Variants in MMS22L observed in about 807,000 individuals in gnomAD.
MMS22L encodes the protein protein MMS22-like.
MMS22L carries 74 observed loss-of-function variants against 159.1 expected under a neutral mutation model. That is an observed-to-expected ratio of 0.47 (90% CI 0.39 to 0.56). The LOEUF (loss-of-function observed/expected upper bound fraction) is 0.56. MMS22L is among the 20% of genes least tolerant of loss of function. The probability of loss-of-function intolerance (pLI) is 0.00; values close to 1 mark genes in which losing one functional copy is unlikely to be tolerated. For missense variants in MMS22L, 1,351 were observed against 1,422.1 expected (o/e 0.95, Z 0.80); for synonymous variants, 517 against 506.9 (o/e 1.02, Z -0.27).
At chr6:97,230,000 G>C (rs1810685077) in intron 13 of MMS22L, among the ~76,000 whole-genome samples, 1 of 152,162 alleles carries the variant, frequency 6.6e-6, no homozygotes, top group South Asian at 2.1e-4. Flanking sequence ...AGATAATATA[G>C]TTAATAGTTG....
chr6:97,177,916 A>T (rs1188677605), intron 18 of MMS22L, among the ~76,000 whole-genome samples: 1 of 152,180 alleles, frequency 6.6e-6, no homozygotes, highest in Admixed American at 6.5e-5. Context: ...CACATAGATA[A>T]ATTTCTGTAC....
intron 22 of MMS22L, among the ~76,000 whole-genome samples, chr6:97,152,864 G>A (rs1166457171): frequency 7.0e-6 from 1 of 142,294 alleles, no homozygotes; most frequent in African/African-American, 2.6e-5. Context: ...AAGAGGCAGA[G>A]TCTTGCTCTG....
intron 4 of MMS22L, 86 bp downstream of exon 4, chr6:97,278,763 A>G: frequency 9.6e-7 from 1 of 1,042,246 alleles, no homozygotes; most frequent in South Asian, 1.6e-5. Flanking sequence ...TTATCATGAT[A>G]TGCCAATTAT....
chr6:97,211,195 A>G (rs1032310619), intron 14 of MMS22L, among the ~76,000 whole-genome samples: 3 of 152,032 alleles, frequency 2.0e-5, no homozygotes, highest in African/African-American at 4.8e-5. Flanking sequence ...GTGTGTGTAT[A>G]TAATTTTTTA....
chr6:97,174,121 C>T (rs1339272437), intron 18 of MMS22L, among the ~76,000 whole-genome samples: 5 of 151,678 alleles, frequency 3.3e-5, no homozygotes, highest in African/African-American at 7.3e-5. Flanking sequence ...GGTGTGGTGG[C>T]GTGTGCCTGT....
At chr6:97,283,065 G>C (rs1816918684) in intron 1 of MMS22L, 31 bp downstream of exon 1, 1 of 152,314 alleles carries the variant, frequency 6.6e-6, no homozygotes, top group Non-Finnish European at 1.5e-5. Context: ...CAAGGACCCG[G>C]GGCGTCGGTT....
At chr6:97,240,825 C>A (rs1811978404) in intron 11 of MMS22L, among the ~76,000 whole-genome samples, 3 of 151,908 alleles carry the variant, frequency 2.0e-5, no homozygotes. Flanking sequence ...CAGAGTTTCA[C>A]CATGTTGGCC....
intron 20 of MMS22L, among the ~76,000 whole-genome samples, chr6:97,166,678 C>T (rs1042264185): frequency 6.6e-6 from 1 of 152,078 alleles, no homozygotes; most frequent in African/African-American, 2.4e-5. Flanking sequence ...AGCTCCAGTT[C>T]TACCAAACAG....
chr6:97,279,575 A>G (rs1199289539), intron 3 of MMS22L, among the ~76,000 whole-genome samples: 2 of 152,224 alleles, frequency 1.3e-5, no homozygotes, highest in South Asian at 4.1e-4. Context: ...ACCTGAGGTC[A>G]GGAATTCAAG....
At chr6:97,282,653 G>A (rs1008767347) in intron 1 of MMS22L, 100 bp from the exon 2 acceptor site, 1 of 504,154 alleles carries the variant, frequency 2.0e-6, no homozygotes, top group African/African-American at 2.1e-5. Flanking sequence ...AACAAACCCA[G>A]AGGCCAAATT....
At chr6:97,219,374 T>A (rs1203152850) in intron 14 of MMS22L, among the ~76,000 whole-genome samples, 1 of 152,206 alleles carries the variant, frequency 6.6e-6, no homozygotes. Context: ...AGGTGCAGCA[T>A]CAAAGTCAGT....
chr6:97,159,121 G>A (rs1802158007), intron 22 of MMS22L, among the ~76,000 whole-genome samples: 1 of 133,440 alleles, frequency 7.5e-6, no homozygotes, highest in South Asian at 2.6e-4. Flanking sequence ...GACTAGGACT[G>A]CAACCCCTGA....
At chr6:97,245,190 C>G in intron 11 of MMS22L, among the ~76,000 whole-genome samples, 2 of 152,116 alleles carry the variant, frequency 1.3e-5, no homozygotes, top group South Asian at 4.2e-4. Context: ...TTAAAACCAG[C>G]TGAGTGCAAA....
chr6:97,278,434 T>C (rs1311459247), intron 4 of MMS22L, among the ~76,000 whole-genome samples: 1 of 143,306 alleles, frequency 7.0e-6, no homozygotes, highest in East Asian at 2.1e-4. Flanking sequence ...AAACCAACTA[T>C]ACCAATCTAA....
At chr6:97,179,888 A>T (rs932340977) in intron 16 of MMS22L, among the ~76,000 whole-genome samples, 1 of 152,206 alleles carries the variant, frequency 6.6e-6, no homozygotes, top group African/African-American at 2.4e-5. Flanking sequence ...TATTATAACT[A>T]GCTAGGTGAG....
intron 24 of MMS22L, among the ~76,000 whole-genome samples, chr6:97,148,555 T>TA (rs1801027456): frequency 6.6e-6 from 1 of 151,978 alleles, no homozygotes; most frequent in Non-Finnish European, 1.5e-5. Flanking sequence ...CTTCATTTTT[T>TA]ACAAAATAGT....
intron 8 of MMS22L, chr6:97,264,790 T>C (rs908343407): frequency 1.3e-5 from 2 of 152,056 alleles, no homozygotes; most frequent in African/African-American, 2.4e-5. Context: ...CAATCCCATA[T>C]ATAGTATATA....
At chr6:97,226,265 C>T (rs1445185055) in intron 14 of MMS22L, among the ~76,000 whole-genome samples, 1 of 151,966 alleles carries the variant, frequency 6.6e-6, no homozygotes, top group Non-Finnish European at 1.5e-5. Context: ...TTAAATAAAA[C>T]AAGGAATTTG....
At chr6:97,221,346 C>T (rs898364716) in intron 14 of MMS22L, among the ~76,000 whole-genome samples, 1 of 151,988 alleles carries the variant, frequency 6.6e-6, no homozygotes, top group African/African-American at 2.4e-5. Flanking sequence ...AATACTAATT[C>T]CTATGCGTGA....
Sources: gnomAD v4.1 joint callset for allele counts (sites outside exome capture counted in the v4.1 genomes callset) on GRCh38, gnomAD v4.1.1 for gene constraint, MANE v1.5 for transcripts, NCBI Gene and HGNC (gene_info 2026-07-23, HGNC 2026-07-21) for gene names.